The following SLC2A11 variants were observed in gnomAD, a reference collection of about 807,000 sequenced individuals.
SLC2A11 encodes the protein solute carrier family 2 member 11.
A neutral mutation model predicts 52.1 loss-of-function variants in SLC2A11; 43 were observed. That is an observed-to-expected ratio of 0.82 (90% CI 0.65 to 1.06). SLC2A11 has a LOEUF of 1.06. SLC2A11 is among the 50% of genes least tolerant of loss of function. The probability of loss-of-function intolerance (pLI) is 0.00; values close to 1 mark genes in which losing one functional copy is unlikely to be tolerated. For missense variants in SLC2A11, 582 were observed against 654.2 expected (o/e 0.89, Z 1.20); for synonymous variants, 261 against 277.6 (o/e 0.94, Z 0.59).
At position 23,863,607 on chromosome 22, in the gene SLC2A11, G is replaced by GTTTTTTTTTT. The variant is rs1568985269; in HGVS notation, c.129+1405_129+1406insTTTTTTTTTT. On this transcript the variant is annotated intron_variant, in intron 2 of 11. Coordinates refer to ENST00000316185, the MANE Select transcript of SLC2A11 (RefSeq NM_001024939.4). ...CTGCCCCTGTTTTTTCTCTCTCTCT[G>GTTTTTTTTTT]GTTTTTTTTTTTTTTTTTTTTTTTT... Among the ~76,000 whole-genome samples the GTTTTTTTTTT allele has an allele frequency of 2.7e-5, 3 of 113,168 alleles. 1 individual carries two copies. The highest frequency in any genetic ancestry group is 5.6e-5 in the Non-Finnish European group (3 of 53,154). The allele number at this position is 113,168 out of a possible 152,430, so 74.2% of individuals were successfully genotyped here. A position where few individuals can be genotyped will look rare whatever the true frequency, so the allele number is the denominator to read the frequency against.
intron 2 of SLC2A11, chr22:23,867,490 G>A (rs1055156132): frequency 2.8e-5 from 9 of 325,716 alleles, no homozygotes; most frequent in Non-Finnish European, 1.8e-5. Flanking sequence ...GAGCCACCGT[G>A]CCTGGCCACG....
At chr22:23,879,698 C>G (rs144522649) in intron 6 of SLC2A11, 3 of 152,234 alleles carry the variant, frequency 2.0e-5, no homozygotes, top group African/African-American at 7.2e-5. Context: ...ATCTGCCTAG[C>G]GTACTACAAC....
intron 4 of SLC2A11, 90 bp downstream of exon 4, chr22:23,875,331 C>T (rs2032584039): frequency 2.4e-6 from 3 of 1,259,978 alleles, no homozygotes; most frequent in Non-Finnish European, 2.0e-6. Flanking sequence ...TCCTTCATTT[C>T]CTCCCTTTAT....
At position 23,877,177 on chromosome 22, in the gene SLC2A11, C is replaced by T; in HGVS notation, c.545+6C>T. 1.9e-6 allele frequency: 3 copies of T among 1,604,626 alleles called. No homozygotes were observed. The highest frequency in any genetic ancestry group is 1.1e-5 in the South Asian group (1 of 90,022). On this transcript the variant is annotated splice_donor_region_variant and intron_variant, in intron 5 of 11. Transcript: ENST00000316185. Reference sequence around the variant, plus strand: ...GGACAGGTGGTCGGACTCAGGTAAGCACCCCTCCCCCACATGCATTGAGTA... The same window carrying T: ...GGACAGGTGGTCGGACTCAGGTAAGTACCCCTCCCCCACATGCATTGAGTA...
At chr22:23,877,387 CAG>C (rs1568993587) in intron 5 of SLC2A11, 1 of 883,348 alleles carries the variant, frequency 1.1e-6, no homozygotes. Flanking sequence ...CTCTCCAGGT[CAG>C]GGAGCAAAGA....
At chr22:23,862,035 G>T (rs2032085232) in intron 1 of SLC2A11, 69 bp from the exon 2 acceptor site, 1 of 1,265,134 alleles carries the variant, frequency 7.9e-7, no homozygotes, top group Non-Finnish European at 1.2e-6. Flanking sequence ...TGCTGTGATT[G>T]GCAGCTCTGG....
In SLC2A11 at chr22:23,875,147, T is replaced by C. The variant is rs745337635; in HGVS notation, c.321T>C (p.Phe107=). 1.4e-5 allele frequency: 23 copies of C among 1,595,492 alleles called. No individual in the cohort carries two copies. The highest frequency in any genetic ancestry group is 6.0e-6 in the Non-Finnish European group (7 of 1,170,792). ...AGTCCCTCCTGGTGAATAACATCTT[T>C]GTGGTGTCAGCAGCAATCCTGTTTG... is the stretch of plus-strand genomic sequence containing the variant. ...RKKSLLVNNI[F]VVSAAILFGF... The change falls in exon 4 of 12, where the codon TTT becomes TTC. Residue 107 remains phenylalanine (F), a synonymous_variant. Transcript: ENST00000316185.
chr22:23,876,702 A>G (rs1400026115), intron 4 of SLC2A11, among the ~76,000 whole-genome samples: 1 of 150,232 alleles, frequency 6.7e-6, no homozygotes, highest in Non-Finnish European at 1.5e-5. Flanking sequence ...TCCTCCTCCC[A>G]CCCCCCCGCA....
At chr22:23,862,022 C>A in intron 1 of SLC2A11, 82 bp from the exon 2 acceptor site, 1 of 1,121,220 alleles carries the variant, frequency 8.9e-7, no homozygotes. Flanking sequence ...AAATAAATTG[C>A]AATGCTGTGA....
chr22:23,858,947 A>T (rs1247720694), intron 1 of SLC2A11, among the ~76,000 whole-genome samples: 1 of 152,214 alleles, frequency 6.6e-6, no homozygotes, highest in African/African-American at 2.4e-5. Flanking sequence ...TAGGGAGGCA[A>T]TAAATCTTTG....
At chr22:23,883,025 C>T in intron 8 of SLC2A11, 156 bp downstream of exon 8, 2 of 742,162 alleles carry the variant, frequency 2.7e-6, no homozygotes, top group Non-Finnish European at 4.7e-6. Flanking sequence ...CTTTGGGAGG[C>T]CGAGGTGGGT....
intron 3 of SLC2A11, chr22:23,868,901 TAAAC>T: frequency 2.2e-6 from 1 of 454,854 alleles, no homozygotes; most frequent in Non-Finnish European, 3.9e-6. Context: ...TAACTGACCT[TAAAC>T]AAGTTATTTT....
In SLC2A11 at chr22:23,877,081, G is replaced by A. The variant is rs774705067; in HGVS notation, c.455G>A (p.Ser152Asn). Residue 152 changes from serine (S) to asparagine (N), a missense_variant, in exon 5 of 12, where the codon AGC becomes AAC. Ser to Asn is a conservative substitution (Grantham distance 46). Coordinates refer to ENST00000316185, the MANE Select transcript of SLC2A11 (RefSeq NM_001024939.4). ...MNIQPMYLGE[S>N]APKELRGAVA... ...ATCCAGCCCATGTACCTGGGGGAGA[G>A]CGCCCCTAAGGAGCTCCGAGGAGCT... 9 of 1,613,962 alleles carry A rather than the reference G, an allele frequency of 5.6e-6. No homozygotes were observed. The highest frequency in any genetic ancestry group is 1.7e-4 in the Middle Eastern group (1 of 6,060).
At chr22:23,877,205 T>G in intron 5 of SLC2A11, 34 bp downstream of exon 5, 1 of 1,587,238 alleles carries the variant, frequency 6.3e-7, no homozygotes. Flanking sequence ...ATTGAGTATT[T>G]CGGAGATACC....
chr22:23,862,351 G>A (rs527404686), intron 2 of SLC2A11, 149 bp downstream of exon 2: 1 of 668,350 alleles, frequency 1.5e-6, no homozygotes, highest in East Asian at 2.6e-5. Flanking sequence ...GTTCCTGCAG[G>A]TTCAAACTGA....
At chr22:23,858,109 A>C in intron 1 of SLC2A11, 80 bp downstream of exon 1, 1 of 1,531,508 alleles carries the variant, frequency 6.5e-7, no homozygotes, top group Non-Finnish European at 8.9e-7. Context: ...AGGTGCAGCC[A>C]CCTGGGAGGC....
At chr22:23,857,587 CGCG>C, upstream of SLC2A11, 1 of 1,451,828 alleles carries the variant, frequency 6.9e-7, no homozygotes. Flanking sequence ...ACCCCCCCCC[CGCG>C]GCGGCGACTC....
rs2098794385 is a variant in SLC2A11 at position 23,877,026 on chromosome 22, C to T, written c.416-16C>T. The stretch of plus-strand genomic sequence containing the variant: ...CCAGCTGGTGGCTGACGTGCCTCTG[C>T]TGTGCACACGTCCAGGTGTGAGCAT... On this transcript the variant is annotated splice_polypyrimidine_tract_variant and intron_variant, in intron 4 of 11. Coordinates refer to ENST00000316185, the MANE Select transcript of SLC2A11 (RefSeq NM_001024939.4). The T allele has an allele frequency of 1.2e-6, 2 of 1,613,686 alleles. No homozygotes were observed. The highest frequency in any genetic ancestry group is 1.7e-6 in the Non-Finnish European group (2 of 1,179,954).
chr22:23,857,577 A>AT, upstream of SLC2A11: 1 of 1,169,822 alleles, frequency 8.5e-7, no homozygotes. Flanking sequence ...GTGACCCCAA[A>AT]CCCCCCCCCC....
Sources: gnomAD v4.1 joint callset for allele counts (sites outside exome capture counted in the v4.1 genomes callset) on GRCh38, gnomAD v4.1.1 for gene constraint, MANE v1.5 for transcripts, NCBI Gene and HGNC (gene_info 2026-07-23, HGNC 2026-07-21) for gene names.